Variants in AGBL1 observed in about 807,000 individuals in gnomAD.
AGBL1 encodes the protein AGBL carboxypeptidase 1, also known as cytosolic carboxypeptidase 4.
Under a neutral mutation model 118.9 loss-of-function variants are expected in AGBL1, and 130 were observed. The observed-to-expected ratio is 1.09, with a 90% confidence interval of 0.95 to 1.26. The LOEUF (loss-of-function observed/expected upper bound fraction) is 1.26. Ranked by LOEUF, AGBL1 falls within the 50% of genes most tolerant of loss-of-function variation. AGBL1 has a pLI of 0.00. For missense variants in AGBL1, 1,584 were observed against 1,298.1 expected, an observed-to-expected ratio of 1.22 and a Z score of -3.38; for synonymous variants, 555 against 478.9, an observed-to-expected ratio of 1.16 and a Z score of -2.08.
chr15:86,917,779 GGA>G (rs3030238), downstream of AGBL1, among the ~76,000 whole-genome samples: 1,031 of 129,674 alleles, frequency 8.0e-3, 8 homozygotes, highest in Middle Eastern at 0.028. The surrounding 1 kb of genome is among the most constrained non-coding windows in gnomAD (Gnocchi z 4.8). Flanking sequence ...TGGGAGAGAA[GGA>G]GAGAGAGAGA....
chr15:86,438,125 C>T (rs1232894945), intron 18 of AGBL1, among the ~76,000 whole-genome samples: 2 of 152,078 alleles, frequency 1.3e-5, no homozygotes, highest in Non-Finnish European at 2.9e-5. Context: ...TCAGGTTGGT[C>T]TCCAACTCCT....
intron 17 of AGBL1, among the ~76,000 whole-genome samples, chr15:86,378,906 TTTTTTTTC>T (rs1168325979): frequency 5.9e-5 from 9 of 151,672 alleles, no homozygotes; most frequent in South Asian, 4.2e-4. Flanking sequence ...TTTAGTTTTT[TTTTTTTTC>T]TTTTTTTCTT....
At chr15:86,298,280 T>C (rs2079685275) in intron 17 of AGBL1, among the ~76,000 whole-genome samples, 2 of 89,656 alleles carry the variant, frequency 2.2e-5, no homozygotes, top group Non-Finnish European at 4.3e-5. Context: ...TATATATATA[T>C]GGTAACTATA....
At chr15:86,510,386 G>C (rs1056799924) in intron 18 of AGBL1, among the ~76,000 whole-genome samples, 4 of 151,932 alleles carry the variant, frequency 2.6e-5, no homozygotes, top group African/African-American at 9.7e-5. Context: ...TATGAAGAAG[G>C]CTCTTAGGCA....
chr15:86,998,368 A>G (rs2081399339), intron 24 of AGBL1, among the ~76,000 whole-genome samples: 1 of 152,180 alleles, frequency 6.6e-6, no homozygotes, highest in South Asian at 2.1e-4. Flanking sequence ...GCTGCTGGCC[A>G]GCAGCCATCT....
intron 23 of AGBL1, among the ~76,000 whole-genome samples, chr15:86,941,092 G>A (rs530001595): frequency 2.0e-5 from 3 of 152,300 alleles, no homozygotes; most frequent in Middle Eastern, 3.4e-3. Context: ...GGTCCTATGC[G>A]TGCTGTGATA....
intron 2 of AGBL1, among the ~76,000 whole-genome samples, chr15:86,143,019 A>T (rs2076984071): frequency 6.6e-6 from 1 of 152,208 alleles, no homozygotes; most frequent in African/African-American, 2.4e-5. Flanking sequence ...GAGAGAATCA[A>T]CCAAGGCCAA....
chr15:86,679,269 G>T (rs4297650), intron 22 of AGBL1, among the ~76,000 whole-genome samples: 128,386 of 152,020 alleles, frequency 0.84, 54,977 homozygotes, highest in East Asian at 0.92. Context: ...TAGGGATTCT[G>T]TTCGTATCCT....
At chr15:86,756,519 G>A (rs935698508) in intron 22 of AGBL1, among the ~76,000 whole-genome samples, 2 of 150,880 alleles carry the variant, frequency 1.3e-5, no homozygotes, top group Non-Finnish European at 2.9e-5. Flanking sequence ...GGGAAGGGCA[G>A]AGTTGCCTGG....
chr15:86,189,967 A>G (rs1035409779), intron 5 of AGBL1, among the ~76,000 whole-genome samples: 1 of 152,194 alleles, frequency 6.6e-6, no homozygotes, highest in Non-Finnish European at 1.5e-5. Context: ...TACATTTGCT[A>G]TATAGTTTTG....
intron 22 of AGBL1, among the ~76,000 whole-genome samples, chr15:86,867,511 T>C (rs2079649475): frequency 6.6e-6 from 1 of 152,202 alleles, no homozygotes; most frequent in Non-Finnish European, 1.5e-5. Context: ...TAAATTACAC[T>C]GGACGTGTTT....
rs1353334929 is a variant in AGBL1 at position 86,158,990 on chromosome 15, T to C, written c.452T>C (p.Ile151Thr). The change falls in exon 5 of 23, where the codon ATT (isoleucine) becomes ACT (threonine). Residue 151 changes from isoleucine to threonine, a missense_variant. Ile to Thr is a moderately conservative substitution (Grantham distance 89, BLOSUM62 -1). Coordinates refer to ENST00000614907, the MANE Select transcript of AGBL1 (RefSeq NM_001386094.1). ...NGAMELLFKVITPYTRKRTQA... is the reference protein window; with the variant it reads ...NGAMELLFKVTTPYTRKRTQA... ...GCCATGGAACTGCTTTTCAAGGTTA[T>C]TACTCCTTACACCCGAAAGCGCACC... The C allele has an allele frequency of 7.4e-6, 12 of 1,613,384 alleles. No homozygotes were observed. Among genetic ancestry groups the C allele is most frequent in the Middle Eastern group, 1.7e-4 (1 of 6,054 alleles).
chr15:86,298,286 C>CTA (rs71460469), intron 17 of AGBL1, among the ~76,000 whole-genome samples: 11,557 of 62,568 alleles, frequency 0.18, 1,782 homozygotes, highest in African/African-American at 0.33. Flanking sequence ...TATATGGTAA[C>CTA]TATATATATA....
chr15:86,957,879 C>T (rs139461713), intron 23 of AGBL1, among the ~76,000 whole-genome samples: 237 of 151,938 alleles, frequency 1.6e-3, no homozygotes, highest in African/African-American at 5.4e-3. Context: ...TAATAAAAAA[C>T]CTAGTACAGT....
At chr15:86,471,187 T>C (rs1234215413) in intron 18 of AGBL1, among the ~76,000 whole-genome samples, 1 of 152,158 alleles carries the variant, frequency 6.6e-6, no homozygotes, top group Non-Finnish European at 1.5e-5. Context: ...TTAAATATTA[T>C]ATATGACCTT....
intron 1 of AGBL1, among the ~76,000 whole-genome samples, chr15:86,088,761 T>G (rs1895837477): frequency 6.6e-6 from 1 of 152,232 alleles, no homozygotes. Flanking sequence ...AAGACACTCA[T>G]GGTTTTCAAT....
At chr15:86,596,552 T>C (rs4517756) in intron 21 of AGBL1, among the ~76,000 whole-genome samples, 51,414 of 152,060 alleles carry the variant, frequency 0.34, 10,210 homozygotes, top group Middle Eastern at 0.44. Flanking sequence ...GACACTGTGG[T>C]TTTCTGCAAT....
At chr15:86,330,885 C>G (rs2080257764) in intron 17 of AGBL1, among the ~76,000 whole-genome samples, 1 of 151,982 alleles carries the variant, frequency 6.6e-6, no homozygotes, top group South Asian at 2.1e-4. Flanking sequence ...TGAAGATTAG[C>G]CTTTCAAACT....
intron 21 of AGBL1, among the ~76,000 whole-genome samples, chr15:86,562,501 T>A (rs1466124754): frequency 2.0e-5 from 3 of 152,224 alleles, no homozygotes; most frequent in African/African-American, 4.8e-5. Context: ...GCCCACTTGA[T>A]CATGGTGGAT....
Sources: gnomAD v4.1 joint callset for allele counts (sites outside exome capture counted in the v4.1 genomes callset) on GRCh38, gnomAD v4.1.1 for gene constraint, Gnocchi (gnomAD v3.1) non-coding constraint, MANE v1.5 for transcripts, NCBI Gene and HGNC (gene_info 2026-07-23, HGNC 2026-07-21) for gene names.